The following POR variants were observed in gnomAD, a reference collection of about 807,000 sequenced individuals.
POR encodes cytochrome p450 oxidoreductase.
Under a neutral mutation model 84.0 loss-of-function variants are expected in POR, and 56 were observed. The observed-to-expected ratio is 0.67, with a 90% CI of 0.54 to 0.83. The LOEUF is 0.83. Among genes scored for constraint, POR ranks in the 40% least tolerant of loss-of-function variants. The pLI is 0.00. For missense variants in POR, 938 were observed against 944.3 expected, an observed-to-expected ratio of 0.99 and a Z score of 0.09; for synonymous variants, 414 against 400.5, an observed-to-expected ratio of 1.03 and a Z score of -0.40.
At chr7:75,936,900 C>T (rs1238208488) in intron 1 of POR, among the ~76,000 whole-genome samples, 1 of 148,054 alleles carries the variant, frequency 6.8e-6, no homozygotes, top group Non-Finnish European at 1.5e-5. Flanking sequence ...GATCTTGGCT[C>T]ACTGCAAACT....
intron 1 of POR, among the ~76,000 whole-genome samples, chr7:75,925,915 G>T (rs1289329252): frequency 6.6e-6 from 1 of 152,172 alleles, no homozygotes; most frequent in Non-Finnish European, 1.5e-5. Flanking sequence ...ATCTGGCAGA[G>T]TGAGGAGCGA....
At chr7:75,920,056 CTTTTTTTTTTT>C (rs71519397) in intron 1 of POR, among the ~76,000 whole-genome samples, 5 of 76,510 alleles carry the variant, frequency 6.5e-5, no homozygotes, top group Non-Finnish European at 1.0e-4. Context: ...AGTTGAATTT[CTTTTTTTTTTT>C]TTTTTTTTTT....
rs189938399 is a variant in POR at position 75,980,851 on chromosome 7, T to C, written c.517-197T>C. ...GGCTGGCAGTGGACGGGGCAGGCTG[T>C]GGGCTGCAGGTCAACCAGATGAAGC... On this transcript the variant is annotated intron_variant, in intron 5 of 15. Coordinates refer to ENST00000461988, the MANE Select transcript of POR (RefSeq NM_000941.3). 453 of 1,099,148 alleles carry C rather than the reference T, an allele frequency of 4.1e-4. 1 individual carries two copies. In the East Asian group the frequency reaches 0.012, roughly 29 times the overall value. The allele number at this position is 1,099,148 out of a possible 1,614,324, so 68.1% of individuals were successfully genotyped here. A position where few individuals can be genotyped will look rare whatever the true frequency, so the allele number is the denominator to read the frequency against.
intron 1 of POR, among the ~76,000 whole-genome samples, chr7:75,924,927 G>C (rs950176933): frequency 6.6e-6 from 1 of 152,122 alleles, no homozygotes; most frequent in Admixed American, 6.6e-5. Flanking sequence ...GCATATCTAG[G>C]TTTTGAACCA....
intron 6 of POR, 33 bp downstream of exon 6, chr7:75,981,205 G>T: frequency 6.7e-7 from 1 of 1,502,226 alleles, no homozygotes. Flanking sequence ...TGATCAGCGC[G>T]GCGGGCTTAG....
chr7:75,955,360 G>A (rs1787638078), intron 2 of POR, among the ~76,000 whole-genome samples: 1 of 152,176 alleles, frequency 6.6e-6, no homozygotes, highest in African/African-American at 2.4e-5. Flanking sequence ...TGATACCGAA[G>A]GTCTGCCTAA....
chr7:75,932,527 T>C (rs546257242), intron 1 of POR, among the ~76,000 whole-genome samples: 4 of 152,162 alleles, frequency 2.6e-5, no homozygotes, highest in Non-Finnish European at 4.4e-5. Context: ...CAAAGACTTA[T>C]GTTGAAAATA....
chr7:75,919,493 G>C (rs1348474024), intron 1 of POR, among the ~76,000 whole-genome samples: 2 of 151,892 alleles, frequency 1.3e-5, no homozygotes, highest in Admixed American at 1.3e-4. Context: ...AGTTGGTTGG[G>C]TTCACTGGAG....
rs532578140 is a variant in POR, at chr7:75,986,266, A to AG, written c.1898+30dup. On this transcript the variant is annotated intron_variant, in intron 15 of 15. Coordinates refer to ENST00000461988, the MANE Select transcript of POR (RefSeq NM_000941.3). ...GGTGAGTGAGTGGGGTCACTGGAAT[A>AG]GGGGGCAGGGAGGACAAGGCCCTGC... 3.4e-3 allele frequency: 5,403 copies of AG among 1,612,596 alleles called. 7 individuals carry two copies. Among genetic ancestry groups the AG allele is most frequent in the Non-Finnish European group, 4.1e-3 (4,827 of 1,179,810 alleles).
chr7:75,971,527 A>G (rs941843872), intron 2 of POR, among the ~76,000 whole-genome samples: 6 of 151,958 alleles, frequency 3.9e-5, no homozygotes, highest in Non-Finnish European at 7.4e-5. Context: ...GCGGGGGTAG[A>G]AGGCCAGAAG....
chr7:75,981,475 G>A, intron 6 of POR, 42 bp from the exon 7 acceptor site: 2 of 1,565,692 alleles, frequency 1.3e-6, no homozygotes. Flanking sequence ...TTGCCACATG[G>A]GCCTCCCCTG....
At chr7:75,982,021 C>G in intron 7 of POR, 1 of 593,536 alleles carries the variant, frequency 1.7e-6, no homozygotes, top group South Asian at 2.0e-5. Flanking sequence ...GCGTCTGGCC[C>G]CCGGCAGCTC....
At chr7:75,980,930 C>A in intron 5 of POR, 118 bp from the exon 6 acceptor site, 1 of 1,268,386 alleles carries the variant, frequency 7.9e-7, no homozygotes, top group Non-Finnish European at 1.1e-6. Context: ...GGAACGGAGG[C>A]CTGCAGGTGT....
rs370400314 is a variant in POR, at chr7:75,985,051, C to T, written c.1249-7C>T. On this transcript the variant is annotated splice_polypyrimidine_tract_variant and splice_region_variant and intron_variant, in intron 11 of 15. Coordinates refer to ENST00000461988, the MANE Select transcript of POR (RefSeq NM_000941.3). ...AATCAGCCCCATCTCACCCCCGTGTCTCTTAGGAGCTGTACCTGAGCTGGG... is the reference window on the plus strand; with the variant it reads ...AATCAGCCCCATCTCACCCCCGTGTTTCTTAGGAGCTGTACCTGAGCTGGG... 2.6e-5 allele frequency: 42 copies of T among 1,593,058 alleles called. No individual in the cohort carries two copies. The highest frequency in any genetic ancestry group is 3.2e-5 in the Non-Finnish European group (38 of 1,174,444).
At chr7:75,959,976 T>C (rs1385835677) in intron 2 of POR, among the ~76,000 whole-genome samples, 1 of 151,988 alleles carries the variant, frequency 6.6e-6, no homozygotes, top group Non-Finnish European at 1.5e-5. Context: ...TTCATAATAA[T>C]AGTAGCAGTA....
chr7:75,983,898 C>A, intron 10 of POR, 42 bp downstream of exon 10: 1 of 1,486,956 alleles, frequency 6.7e-7, no homozygotes. Context: ...CTCAGGCAGC[C>A]GCGGGATTGG....
chr7:75,982,891 G>A (rs1230741373), intron 8 of POR, among the ~76,000 whole-genome samples: 3 of 152,296 alleles, frequency 2.0e-5, no homozygotes, highest in African/African-American at 7.2e-5. Flanking sequence ...GTGTGGGGGT[G>A]GGGGAGCTGT....
chr7:75,956,646 C>T (rs782483163), intron 2 of POR, among the ~76,000 whole-genome samples: 6 of 152,050 alleles, frequency 3.9e-5, no homozygotes, highest in African/African-American at 7.2e-5. Context: ...GATCGTATTT[C>T]GTGCCAGGCA....
At chr7:75,984,264 G>A (rs959504576) in intron 10 of POR, among the ~76,000 whole-genome samples, 5 of 152,202 alleles carry the variant, frequency 3.3e-5, no homozygotes, top group Admixed American at 3.3e-4. Context: ...AGGGTGCACA[G>A]TGGTGCCGAG....
Sources: allele counts gnomAD v4.1 joint callset (sites outside exome capture counted in the v4.1 genomes callset), GRCh38; gene constraint gnomAD v4.1.1; transcripts MANE v1.5; gene names NCBI Gene and HGNC (gene_info 2026-07-23, HGNC 2026-07-21).